The following CRIM1 variants were observed in gnomAD, a reference collection of about 807,000 sequenced individuals.
The protein encoded by CRIM1 is cysteine rich transmembrane BMP regulator 1.
CRIM1 carries 32 observed loss-of-function variants against 116.4 expected under a neutral mutation model. That is an observed-to-expected ratio of 0.27 (90% CI 0.21 to 0.37). CRIM1 has a LOEUF of 0.37. CRIM1 is among the 10% of genes least tolerant of loss of function. The pLI, the probability that CRIM1 is intolerant of heterozygous loss-of-function variation, is 1.00. For missense variants in CRIM1, 1,331 were observed against 1,354.8 expected, an observed-to-expected ratio of 0.98 and a Z score of 0.28; for synonymous variants, 590 against 509.2, an observed-to-expected ratio of 1.16 and a Z score of -2.13.
rs945835601 is a variant in CRIM1, at chr2:36,549,969, A to G, written c.*1268A>G. 2 of 152,504 alleles carry G rather than the reference A, an allele frequency of 1.3e-5. No homozygotes were observed. Among genetic ancestry groups the G allele is most frequent in the Non-Finnish European group, 2.9e-5 (2 of 68,020 alleles). 9.4% of individuals were successfully genotyped at this position (152,504 alleles called of 1,614,324 possible). A position where few individuals can be genotyped will look rare whatever the true frequency, so the allele number is the denominator to read the frequency against. On this transcript the variant is annotated 3_prime_UTR_variant, in exon 17 of 17. Coordinates refer to ENST00000280527, the MANE Select transcript of CRIM1 (RefSeq NM_016441.3). ...CATAGCAGTGCTTTTGATCACTTAC[A>G]AATTTTTTGAATAACACAAAATCTC...
At chr2:36,543,122 A>G (rs1367304511) in intron 14 of CRIM1, among the ~76,000 whole-genome samples, 2 of 152,180 alleles carry the variant, frequency 1.3e-5, no homozygotes, top group Non-Finnish European at 2.9e-5. Context: ...GCAGAAGACT[A>G]TTCTTGGAGG....
intron 5 of CRIM1, among the ~76,000 whole-genome samples, chr2:36,467,159 A>G (rs1466946718): frequency 2.6e-5 from 4 of 152,186 alleles, no homozygotes; most frequent in African/African-American, 9.7e-5. Context: ...AAACACAGTC[A>G]CTACATCTCT....
At chr2:36,543,569 T>C (rs750157109) in intron 14 of CRIM1, among the ~76,000 whole-genome samples, 1 of 152,186 alleles carries the variant, frequency 6.6e-6, no homozygotes, top group Non-Finnish European at 1.5e-5. Context: ...AAACTTTTAT[T>C]GTCACATTTT....
intron 4 of CRIM1, among the ~76,000 whole-genome samples, chr2:36,450,816 G>A (rs989708910): frequency 3.0e-4 from 45 of 152,188 alleles, no homozygotes; most frequent in African/African-American, 1.0e-3. Flanking sequence ...TTGAAATTGT[G>A]CTCTCAAGAA....
Position 36,491,369 on chromosome 2 carries a change from G to T in CRIM1, c.1373-7850G>T, listed in dbSNP as rs576334395. Among the ~76,000 whole-genome samples the T allele has an allele frequency of 2.0e-5, 3 of 152,256 alleles. No homozygotes were observed. In the South Asian group the frequency reaches 6.2e-4, roughly 32 times the overall value. ...ATTTTCACCATTATTAAGTGTGTCA[G>T]GTTTACAACAGCCTTAAGATCTGGC... On this transcript the variant is annotated intron_variant, in intron 7 of 16. Transcript: ENST00000280527.
At chr2:36,524,573 T>G (rs1665628937) in intron 13 of CRIM1, among the ~76,000 whole-genome samples, 1 of 152,026 alleles carries the variant, frequency 6.6e-6, no homozygotes, top group African/African-American at 2.4e-5. Flanking sequence ...GAATTGCATG[T>G]TACCTTCAGA....
chr2:36,544,878 T>C (rs895657618), intron 15 of CRIM1, among the ~76,000 whole-genome samples: 3 of 152,202 alleles, frequency 2.0e-5, no homozygotes, highest in Non-Finnish European at 4.4e-5. Context: ...CTCTTGTAGA[T>C]TCCGCACTGA....
At chr2:36,423,913 G>C (rs1445498683) in intron 2 of CRIM1, among the ~76,000 whole-genome samples, 1 of 152,158 alleles carries the variant, frequency 6.6e-6, no homozygotes, top group Non-Finnish European at 1.5e-5. Context: ...GCTAGGAAAG[G>C]TGACTGAGGC....
At chr2:36,459,812 G>T (rs1051701533) in intron 4 of CRIM1, among the ~76,000 whole-genome samples, 6 of 152,076 alleles carry the variant, frequency 3.9e-5, no homozygotes, top group Admixed American at 3.9e-4. Flanking sequence ...TGTAGGGTGT[G>T]TGCAGGAACC....
intron 7 of CRIM1, among the ~76,000 whole-genome samples, chr2:36,481,662 C>G (rs939120443): frequency 2.6e-5 from 4 of 152,166 alleles, no homozygotes; most frequent in African/African-American, 9.7e-5. Context: ...CTGCTGAAGC[C>G]TTTATTATCC....
chr2:36,490,025 A>C (rs529637432), intron 7 of CRIM1, among the ~76,000 whole-genome samples: 41 of 152,278 alleles, frequency 2.7e-4, no homozygotes, highest in African/African-American at 9.4e-4. Flanking sequence ...GCACAGACCC[A>C]CCCACCGTCT....
chr2:36,539,128 T>G (rs1411493524), intron 14 of CRIM1, among the ~76,000 whole-genome samples: 1 of 151,998 alleles, frequency 6.6e-6, no homozygotes, highest in Non-Finnish European at 1.5e-5. Context: ...GAGAAAGGCA[T>G]AGCAAGACAG....
chr2:36,506,498 G>C (rs973316308), intron 8 of CRIM1, among the ~76,000 whole-genome samples: 32 of 152,118 alleles, frequency 2.1e-4, no homozygotes, highest in African/African-American at 7.7e-4. Context: ...AGGTTACGTT[G>C]TATTTATATA....
intron 8 of CRIM1, among the ~76,000 whole-genome samples, chr2:36,506,185 A>T (rs2030645): frequency 0.15 from 9,115 of 59,554 alleles, 305 homozygotes; most frequent in African/African-American, 0.21. Flanking sequence ...TCTCTCTCAC[A>T]CACACACACA....
intron 2 of CRIM1, among the ~76,000 whole-genome samples, chr2:36,435,939 A>G (rs1325003194): frequency 6.8e-6 from 1 of 148,066 alleles, no homozygotes; most frequent in Non-Finnish European, 1.5e-5. Context: ...TTTTTTTTTT[A>G]ATGTCTGTTG....
intron 1 of CRIM1, among the ~76,000 whole-genome samples, chr2:36,384,305 G>A (rs115877824): frequency 2.0e-5 from 3 of 152,278 alleles, no homozygotes; most frequent in Admixed American, 6.5e-5. Flanking sequence ...GTAACTGGAC[G>A]GTCAGCTAGG....
At chr2:36,482,628 ATAGT>A (rs1385826831) in intron 7 of CRIM1, among the ~76,000 whole-genome samples, 7 of 152,366 alleles carry the variant, frequency 4.6e-5, no homozygotes, top group South Asian at 2.1e-4. Flanking sequence ...TCACCCAGAA[ATAGT>A]TAGAGGAAAA....
At chr2:36,442,077 T>C (rs1237784599) in intron 3 of CRIM1, among the ~76,000 whole-genome samples, 1 of 152,208 alleles carries the variant, frequency 6.6e-6, no homozygotes, top group Non-Finnish European at 1.5e-5. Context: ...TTTGATGTAC[T>C]GTTGTATCCC....
At chr2:36,545,839 T>C (rs1233815418) in intron 15 of CRIM1, among the ~76,000 whole-genome samples, 2 of 152,196 alleles carry the variant, frequency 1.3e-5, no homozygotes, top group African/African-American at 2.4e-5. Context: ...GTAAAATTCA[T>C]TCTTTTATTC....
Sources: allele counts gnomAD v4.1 joint callset (sites outside exome capture counted in the v4.1 genomes callset), GRCh38; gene constraint gnomAD v4.1.1; transcripts MANE v1.5; gene names NCBI Gene and HGNC (gene_info 2026-07-23, HGNC 2026-07-21).